Variants in COL13A1 observed in about 807,000 individuals in gnomAD.
COL13A1 encodes the protein collagen alpha-1(XIII) chain.
A neutral mutation model predicts 130.9 loss-of-function variants in COL13A1; 89 were observed. The observed-to-expected ratio is 0.68, with a 90% CI of 0.57 to 0.81. COL13A1 has a LOEUF of 0.81. Ranked by LOEUF, COL13A1 falls within the 30% of genes least tolerant of loss-of-function variation. COL13A1 has a pLI of 0.00. For missense variants in COL13A1, 879 were observed against 934.6 expected, an observed-to-expected ratio of 0.94 and a Z score of 0.78; for synonymous variants, 402 against 341.6, an observed-to-expected ratio of 1.18 and a Z score of -1.95.
At position 69,854,383 on chromosome 10, in the gene COL13A1, C is replaced by T. The variant is rs186432945; in HGVS notation, c.365-13415C>T. 5.3e-5 allele frequency among the ~76,000 whole-genome samples: 8 copies of T among 152,212 alleles called. No individual in the cohort carries two copies. In the East Asian group the frequency reaches 9.7e-4, roughly 18 times the overall value. ...GAGTTCAAGACCAGCCTAGGCAACA[C>T]GGCGAAACCCCATCTCTACAAAAAA... On this transcript the variant is annotated intron_variant, in intron 2 of 40. Transcript: ENST00000645393.
intron 13 of COL13A1, 77 bp from the exon 14 acceptor site, chr10:69,898,620 T>C (rs927617504): frequency 8.3e-6 from 11 of 1,329,164 alleles, no homozygotes; most frequent in Non-Finnish European, 1.2e-5. Flanking sequence ...GCCCTCCTGG[T>C]GACTTTTGGC....
intron 1 of COL13A1, among the ~76,000 whole-genome samples, chr10:69,817,990 G>A (rs1236743705): frequency 6.6e-6 from 1 of 152,130 alleles, no homozygotes; most frequent in African/African-American, 2.4e-5. Context: ...TTTTCTAGCT[G>A]TGCCTGTGGT....
intron 1 of COL13A1, among the ~76,000 whole-genome samples, chr10:69,814,547 T>C (rs576857558): frequency 1.1e-4 from 17 of 152,338 alleles, no homozygotes; most frequent in Middle Eastern, 3.4e-3. Flanking sequence ...CCTCTGTTTA[T>C]TTTTTTGCCT....
At chr10:69,813,834 A>G (rs1564734603) in intron 1 of COL13A1, among the ~76,000 whole-genome samples, 1 of 152,086 alleles carries the variant, frequency 6.6e-6, no homozygotes, top group Non-Finnish European at 1.5e-5. Flanking sequence ...AGTCCCTGGG[A>G]TGTAGCCCAT....
intron 13 of COL13A1, chr10:69,897,609 C>G: frequency 4.0e-6 from 6 of 1,511,110 alleles, no homozygotes; most frequent in South Asian, 2.3e-5. Flanking sequence ...ATTGCACATC[C>G]CCAGGCCCCG....
chr10:69,894,434 TG>T, intron 10 of COL13A1, 117 bp from the exon 11 acceptor site: 1 of 1,207,462 alleles, frequency 8.3e-7, no homozygotes, highest in Non-Finnish European at 1.2e-6. Flanking sequence ...TGGGAAGACC[TG>T]GCCATGGCTG....
chr10:69,837,670 C>T (rs1187744678), intron 2 of COL13A1, among the ~76,000 whole-genome samples: 11 of 152,216 alleles, frequency 7.2e-5, no homozygotes, highest in Non-Finnish European at 1.6e-4. Context: ...TGGCAGAATC[C>T]CTGGGGAGCT....
intron 2 of COL13A1, among the ~76,000 whole-genome samples, chr10:69,830,560 C>T (rs1848572490): frequency 1.3e-5 from 2 of 152,016 alleles, no homozygotes; most frequent in Non-Finnish European, 2.9e-5. Flanking sequence ...TCTTCAACAA[C>T]TATATGCATA....
In COL13A1 at chr10:69,944,160, G is replaced by A. The variant is rs774911857; in HGVS notation, c.1950G>A (p.Ala650=). ...GACCAATTGGAGTTCCAGGCCCAGC[G>A]GGACCAAAGGGCGAGAGGGTGAGTG... ...TPGPIGVPGP[A]GPKGERGSKG... is the part of the protein sequence containing the mutation. The change falls in exon 36 of 41, where the codon GCG becomes GCA. Residue 650 remains alanine, a synonymous_variant. Coordinates refer to ENST00000645393, the MANE Select transcript of COL13A1 (RefSeq NM_001368882.1). 5.8e-5 allele frequency: 94 copies of A among 1,613,800 alleles called. No homozygotes were observed. Among genetic ancestry groups the A allele is most frequent in the Middle Eastern group, 3.3e-4 (2 of 6,020 alleles).
At chr10:69,910,086 C>T (rs181997883) in intron 17 of COL13A1, among the ~76,000 whole-genome samples, 3 of 152,304 alleles carry the variant, frequency 2.0e-5, no homozygotes, top group African/African-American at 4.8e-5. Context: ...CTCCCAACCT[C>T]CACCTACTAA....
intron 14 of COL13A1, 25 bp from the exon 15 acceptor site, chr10:69,902,723 T>C (rs2062330785): frequency 6.5e-7 from 1 of 1,538,962 alleles, no homozygotes; most frequent in Admixed American, 2.1e-5. Context: ...GCCTTCCCTC[T>C]AACATTCGTT....
intron 24 of COL13A1, among the ~76,000 whole-genome samples, chr10:69,924,705 A>G (rs932810660): frequency 8.5e-5 from 13 of 152,210 alleles, no homozygotes; most frequent in African/African-American, 3.1e-4. Flanking sequence ...TGAGAGAGAC[A>G]AAGGGGAGTC....
At chr10:69,920,253 T>C (rs1031774550) in intron 21 of COL13A1, among the ~76,000 whole-genome samples, 3 of 152,246 alleles carry the variant, frequency 2.0e-5, no homozygotes, top group African/African-American at 4.8e-5. Context: ...TGAATGTTCA[T>C]TGAGACATCT....
chr10:69,833,333 C>T (rs1356462389), intron 2 of COL13A1, among the ~76,000 whole-genome samples: 2 of 152,238 alleles, frequency 1.3e-5, no homozygotes, highest in Non-Finnish European at 2.9e-5. Context: ...CCTCTCCACT[C>T]CTCACCTCAG....
At chr10:69,930,191 T>A in intron 29 of COL13A1, 104 bp downstream of exon 29, 3 of 1,144,666 alleles carry the variant, frequency 2.6e-6, no homozygotes, top group Non-Finnish European at 3.7e-6. Flanking sequence ...GTGAGCCCAG[T>A]GGGCAAGGGA....
rs373399275 is a variant in COL13A1 at position 69,871,856 on chromosome 10, A to G, written c.373-328A>G. ...CTCAGTGCTTTACATACATTCTCTCATTTGATCCTAACAGATAGGTAATGA... is the reference window on the plus strand; with the variant it reads ...CTCAGTGCTTTACATACATTCTCTCGTTTGATCCTAACAGATAGGTAATGA... On this transcript the variant is annotated intron_variant, in intron 3 of 40. Transcript: ENST00000645393. Among the ~76,000 whole-genome samples, 4 of 152,192 alleles carry G rather than the reference A, an allele frequency of 2.6e-5. No homozygotes were observed. The South Asian group carries it at 8.3e-4, about 32-fold the overall frequency.
chr10:69,933,322 C>T (rs1461015474), intron 31 of COL13A1, among the ~76,000 whole-genome samples: 1 of 151,888 alleles, frequency 6.6e-6, no homozygotes, highest in African/African-American at 2.4e-5. Flanking sequence ...GGTAGGCTTT[C>T]CAGATAGAGG....
At chr10:69,862,094 C>A (rs768371512) in intron 2 of COL13A1, among the ~76,000 whole-genome samples, 1 of 152,186 alleles carries the variant, frequency 6.6e-6, no homozygotes, top group Non-Finnish European at 1.5e-5. Context: ...GGAAGAGATG[C>A]CCACAGTTGG....
chr10:69,887,309 C>G, intron 7 of COL13A1, 147 bp from the exon 8 acceptor site: 1 of 762,002 alleles, frequency 1.3e-6, no homozygotes, highest in Non-Finnish European at 2.1e-6. Context: ...TCCATCTTCC[C>G]TCCCAACCCA....
Sources: gnomAD v4.1 joint callset for allele counts (sites outside exome capture counted in the v4.1 genomes callset) on GRCh38, gnomAD v4.1.1 for gene constraint, MANE v1.5 for transcripts, NCBI Gene and HGNC (gene_info 2026-07-23, HGNC 2026-07-21) for gene names.